The following SETBP1 variants were observed in gnomAD, a reference collection of about 807,000 sequenced individuals.
SETBP1 encodes SET-binding protein.
In SETBP1, 9 loss-of-function variants were observed where a neutral mutation model predicts 101.0. The ratio of observed to expected loss-of-function variants is 0.09; its 90% confidence interval spans 0.05 to 0.16. The LOEUF (loss-of-function observed/expected upper bound fraction) is 0.16. SETBP1 is among the 10% of genes least tolerant of loss of function. SETBP1 has a pLI of 1.00. For synonymous variants in SETBP1, 818 were observed against 788.5 expected (o/e 1.04, Z -0.63); for missense variants, 1,858 against 2,033.8 (o/e 0.91, Z 1.66).
chr18:44,795,544 T>G (rs78210796), intron 2 of SETBP1, among the ~76,000 whole-genome samples: 3,790 of 152,286 alleles, frequency 0.025, 154 homozygotes, highest in African/African-American at 0.086. Context: ...ATCTACTGGT[T>G]ACATCCAGGG....
At position 45,016,743 on chromosome 18, in the gene SETBP1, A is replaced by G. The variant is rs967059040; in HGVS notation, c.4001-21742A>G. ...CACATTGGTGCGCGCACACACACACACACACACACACACACACACACACAG... is the reference window on the plus strand; with the variant it reads ...CACATTGGTGCGCGCACACACACACGCACACACACACACACACACACACAG... On this transcript the variant is annotated intron_variant, in intron 4 of 5. Transcript: ENST00000649279. Among the ~76,000 whole-genome samples the G allele has an allele frequency of 1.5e-3, 231 of 149,938 alleles. 2 individuals are homozygous for G. Among genetic ancestry groups the G allele is most frequent in the African/African-American group, 2.5e-3 (102 of 40,088 alleles).
intron 3 of SETBP1, among the ~76,000 whole-genome samples, chr18:44,925,999 G>T (rs2070697430): frequency 6.6e-6 from 1 of 152,176 alleles, no homozygotes; most frequent in Non-Finnish European, 1.5e-5. Context: ...GGGGGAAGTT[G>T]TTGGGGACAT....
At chr18:45,050,474 C>T (rs1277534584) in intron 5 of SETBP1, among the ~76,000 whole-genome samples, 1 of 152,194 alleles carries the variant, frequency 6.6e-6, no homozygotes, top group Non-Finnish European at 1.5e-5. Context: ...GGAAAAACCT[C>T]ACTTTCCCTC....
chr18:44,786,834 C>T (rs907201452), intron 2 of SETBP1, among the ~76,000 whole-genome samples: 1 of 152,196 alleles, frequency 6.6e-6, no homozygotes, highest in African/African-American at 2.4e-5. Flanking sequence ...TTGACTTTCA[C>T]TTGATTTACT....
chr18:44,986,085 G>A (rs896427974), intron 4 of SETBP1: 6 of 152,162 alleles, frequency 3.9e-5, no homozygotes, highest in African/African-American at 1.2e-4. Context: ...ATCCCAGTGC[G>A]AACATCATGG....
At chr18:45,030,710 A>G (rs1193265910) in intron 4 of SETBP1, among the ~76,000 whole-genome samples, 1 of 148,708 alleles carries the variant, frequency 6.7e-6, no homozygotes, top group East Asian at 1.9e-4. Context: ...GTCTATTCAG[A>G]GATTCAGCTT....
intron 3 of SETBP1, 23 bp from the exon 4 acceptor site, chr18:44,949,858 C>T: frequency 6.3e-7 from 1 of 1,575,452 alleles, no homozygotes; most frequent in South Asian, 1.1e-5. Context: ...GTCTCTCTCC[C>T]TCTCCACTCC....
rs902838233 is a variant in SETBP1 at position 44,755,271 on chromosome 18, G to A, written c.486+53439G>A. Among the ~76,000 whole-genome samples the A allele has an allele frequency of 2.6e-5, 4 of 152,334 alleles. No individual in the cohort carries two copies. In the East Asian group the frequency reaches 5.8e-4, roughly 22 times the overall value. On this transcript the variant is annotated intron_variant, in intron 2 of 5. Coordinates refer to ENST00000649279, the MANE Select transcript of SETBP1 (RefSeq NM_015559.3). ...TTAGGTGTCAACTTGATTGGATTGAGGGATGCCCAGATGGCTGGTGAAACA... is the reference window on the plus strand; with the variant it reads ...TTAGGTGTCAACTTGATTGGATTGAAGGATGCCCAGATGGCTGGTGAAACA...
At chr18:44,905,217 C>G (rs148099102) in intron 3 of SETBP1, among the ~76,000 whole-genome samples, 1 of 152,050 alleles carries the variant, frequency 6.6e-6, no homozygotes, top group Non-Finnish European at 1.5e-5. Context: ...AAAGAACAGA[C>G]CAAGTTCAGT....
chr18:44,856,170 G>A (rs1237255694), intron 2 of SETBP1, among the ~76,000 whole-genome samples: 1 of 151,414 alleles, frequency 6.6e-6, no homozygotes, highest in African/African-American at 2.4e-5. Context: ...AGAGAGACAA[G>A]TTTCAGTGAG....
intron 2 of SETBP1, chr18:44,732,499 C>A (rs1404214785): frequency 1.3e-5 from 2 of 152,144 alleles, no homozygotes; most frequent in East Asian, 3.9e-4. Context: ...TATTTCTCAC[C>A]CTTGCAATGG....
chr18:44,938,499 G>A (rs971512237), intron 3 of SETBP1, among the ~76,000 whole-genome samples: 1 of 152,240 alleles, frequency 6.6e-6, no homozygotes, highest in African/African-American at 2.4e-5. Flanking sequence ...TAGTGACACG[G>A]AAACCAGCTG....
intron 2 of SETBP1, among the ~76,000 whole-genome samples, chr18:44,778,324 G>T (rs2071050537): frequency 6.6e-6 from 1 of 152,158 alleles, no homozygotes; most frequent in African/African-American, 2.4e-5. Context: ...CTAGAGGGGG[G>T]TCACCTAATC....
At chr18:45,002,291 A>ATTT (rs5824568) in intron 4 of SETBP1, among the ~76,000 whole-genome samples, 3 of 136,922 alleles carry the variant, frequency 2.2e-5, no homozygotes, top group Non-Finnish European at 3.2e-5. Context: ...GAGAAGAACC[A>ATTT]TTTTTTTTTT....
intron 3 of SETBP1, among the ~76,000 whole-genome samples, chr18:44,896,287 C>T (rs950454580): frequency 2.6e-5 from 4 of 152,132 alleles, no homozygotes; most frequent in Non-Finnish European, 4.4e-5. Context: ...CATTCTGTCT[C>T]GTCTTAAATT....
intron 3 of SETBP1, among the ~76,000 whole-genome samples, chr18:44,898,250 C>T (rs1199034279): frequency 6.6e-6 from 1 of 152,148 alleles, no homozygotes; most frequent in African/African-American, 2.4e-5. Flanking sequence ...AATTGAGTTA[C>T]ACTATTAAGC....
chr18:45,023,217 T>C (rs1033445268), intron 4 of SETBP1, among the ~76,000 whole-genome samples: 3 of 152,246 alleles, frequency 2.0e-5, no homozygotes, highest in African/African-American at 4.8e-5. Context: ...CTGAGACATA[T>C]AGTAAATAAA....
At chr18:44,720,333 C>T (rs967465318) in intron 2 of SETBP1, among the ~76,000 whole-genome samples, 1 of 152,184 alleles carries the variant, frequency 6.6e-6, no homozygotes, top group Non-Finnish European at 1.5e-5. Flanking sequence ...TAAGTATTCA[C>T]ATGAACATGA....
intron 2 of SETBP1, among the ~76,000 whole-genome samples, chr18:44,831,064 G>A (rs2072351841): frequency 6.6e-6 from 1 of 152,134 alleles, no homozygotes; most frequent in South Asian, 2.1e-4. Context: ...TTTCTTTTCT[G>A]TTTTTATTCG....
Sources: gnomAD v4.1 joint callset for allele counts (sites outside exome capture counted in the v4.1 genomes callset) on GRCh38, gnomAD v4.1.1 for gene constraint, MANE v1.5 for transcripts, NCBI Gene and HGNC (gene_info 2026-07-23, HGNC 2026-07-21) for gene names.